The following SIM2 variants were observed in gnomAD, a reference collection of about 807,000 sequenced individuals.
SIM2 encodes the protein single-minded homolog 2.
A neutral mutation model predicts 64.8 loss-of-function variants in SIM2; 28 were observed. That is an observed-to-expected ratio of 0.43 (90% CI 0.32 to 0.59). The LOEUF (loss-of-function observed/expected upper bound fraction) is 0.59. Among genes scored for constraint, SIM2 ranks in the 20% least tolerant of loss-of-function variants. SIM2 has a pLI of 0.07. For synonymous variants in SIM2, 408 were observed against 391.1 expected, an observed-to-expected ratio of 1.04 and a Z score of -0.51; for missense variants, 847 against 871.4, an observed-to-expected ratio of 0.97 and a Z score of 0.35.
At chr21:36,738,708 G>A (rs889164532) in intron 7 of SIM2, among the ~76,000 whole-genome samples, 12 of 152,200 alleles carry the variant, frequency 7.9e-5, no homozygotes, top group Non-Finnish European at 1.8e-4. Flanking sequence ...TGTAGTGGGG[G>A]TAGAATGAGG....
chr21:36,736,787 TTCTTTC>T (rs2089058203), intron 7 of SIM2, among the ~76,000 whole-genome samples: 1 of 71,732 alleles, frequency 1.4e-5, no homozygotes, highest in South Asian at 4.8e-4. Flanking sequence ...TTTCTTTTCC[TTCTTTC>T]TTTTTCTTTC....
chr21:36,741,785 G>C lies in SIM2; in HGVS notation c.919G>C (p.Val307Leu). The C allele has an allele frequency of 6.2e-7, 1 of 1,612,950 alleles. No individual in the cohort carries two copies. The highest frequency in any genetic ancestry group is 1.1e-5 in the South Asian group (1 of 90,826). ...GTCCAAGCGGGGCGGCTGGGTGTGG[G>C]TGCAGAGCTACGCCACCGTGGTGCA... ...LLSKRGGWVW[V>L]QSYATVVHNS... is the part of the protein sequence containing the mutation. The change falls in exon 8 of 11, where the codon GTG (valine) becomes CTG (leucine). Residue 307 changes from valine (V) to leucine (L), a missense_variant. By Grantham distance (32) the Val-to-Leu change is conservative. Coordinates refer to ENST00000290399, the MANE Select transcript of SIM2 (RefSeq NM_005069.6).
At chr21:36,732,806 T>G (rs1424376596) in intron 7 of SIM2, among the ~76,000 whole-genome samples, 3 of 152,214 alleles carry the variant, frequency 2.0e-5, no homozygotes, top group Non-Finnish European at 1.5e-5. Context: ...TTGAGCAAAC[T>G]GGGTATGGTG....
intron 3 of SIM2, among the ~76,000 whole-genome samples, chr21:36,718,157 C>T (rs1037079236): frequency 6.6e-6 from 1 of 152,154 alleles, no homozygotes; most frequent in Non-Finnish European, 1.5e-5. Context: ...ACTTAGCAGG[C>T]CAGAAGTGTA....
At chr21:36,733,542 C>T (rs1330874637) in intron 7 of SIM2, among the ~76,000 whole-genome samples, 1 of 151,162 alleles carries the variant, frequency 6.6e-6, no homozygotes, top group Non-Finnish European at 1.5e-5. Context: ...CACTGCCTGG[C>T]TAACCCAGGA....
chr21:36,723,201 A>C (rs1840326283), intron 5 of SIM2, 71 bp downstream of exon 5: 1 of 1,289,674 alleles, frequency 7.8e-7, no homozygotes, highest in Admixed American at 1.7e-5. Context: ...GAGCGTCTGC[A>C]GAAAGGAAGG....
At position 36,726,666 on chromosome 21, in the gene SIM2, A is replaced by G. The variant is rs962521027; in HGVS notation, c.743+348A>G. Among the ~76,000 whole-genome samples, 1 of 152,240 alleles carries G rather than the reference A, an allele frequency of 6.6e-6. No individual in the cohort carries two copies. The highest frequency in any genetic ancestry group is 1.5e-5 in the Non-Finnish European group (1 of 68,042). On this transcript the variant is annotated intron_variant, in intron 6 of 10. Coordinates refer to ENST00000290399, the MANE Select transcript of SIM2 (RefSeq NM_005069.6). This position sits in a 1 kb window ranked among gnomAD's most constrained non-coding sequence, Gnocchi z 4.5. ...CACAGGTTGGGCTTTTTTGAAGGCCATGATGTCAGAGCTCTGCCTCCTGCG... is the reference window on the plus strand; with the variant it reads ...CACAGGTTGGGCTTTTTTGAAGGCCGTGATGTCAGAGCTCTGCCTCCTGCG...
intron 7 of SIM2, among the ~76,000 whole-genome samples, chr21:36,736,678 G>C (rs2089052917): frequency 6.6e-6 from 1 of 152,076 alleles, no homozygotes; most frequent in African/African-American, 2.4e-5. Flanking sequence ...AGTCTGTGAA[G>C]TCAGAGCTGT....
chr21:36,709,287 G>C (rs779032912), intron 2 of SIM2, 37 bp downstream of exon 2: 383 of 1,508,452 alleles, frequency 2.5e-4, no homozygotes, highest in Non-Finnish European at 3.2e-4. Context: ...CGCAGCCGCC[G>C]CAGGCTCCCT....
Position 36,745,729 on chromosome 21 carries a change from A to G in SIM2, c.1576+593A>G, listed in dbSNP as rs113892921. The G allele has an allele frequency of 1.0e-5, 13 of 1,281,690 alleles. No individual in the cohort carries two copies. In the Admixed American group the frequency reaches 2.1e-4, roughly 21 times the overall value. The allele number at this position is 1,281,690 out of a possible 1,614,324, so 79.4% of individuals were successfully genotyped here. ...TACTCCCAAGGACACGACACACAGT[A>G]GGGACCTGCCCTGTACATGCTAGTT... On this transcript the variant is annotated intron_variant, in intron 10 of 10. Coordinates refer to ENST00000290399, the MANE Select transcript of SIM2 (RefSeq NM_005069.6). This position sits in a 1 kb window ranked among gnomAD's most constrained non-coding sequence, Gnocchi z 4.8.
At chr21:36,702,606 ACTGGTCACC>A (rs144602851) in intron 1 of SIM2, among the ~76,000 whole-genome samples, 1,676 of 152,316 alleles carry the variant, frequency 0.011, 39 homozygotes, top group African/African-American at 0.038. Flanking sequence ...ATTTATGCAA[ACTGGTCACC>A]CTTCCAGTAG....
chr21:36,719,322 A>G (rs1290809958), intron 3 of SIM2, among the ~76,000 whole-genome samples: 1 of 152,262 alleles, frequency 6.6e-6, no homozygotes, highest in African/African-American at 2.4e-5. Flanking sequence ...CCTCGGGCGC[A>G]GTGGCGCCCC....
In SIM2 at chr21:36,747,499, C is replaced by A. The variant is rs1173921645; in HGVS notation, c.1577-166C>A. The stretch of plus-strand genomic sequence containing the variant: ...CTCCTGGAACATTTCAGGTCGCGTC[C>A]TGAGATTGGACAGCACGGCCTAGAC... On this transcript the variant is annotated intron_variant, in intron 10 of 10. Coordinates refer to ENST00000290399, the MANE Select transcript of SIM2 (RefSeq NM_005069.6). The surrounding 1 kb of genome is among the most constrained non-coding windows in gnomAD (Gnocchi z 4.5). 1.3e-5 allele frequency among the ~76,000 whole-genome samples: 2 copies of A among 151,924 alleles called. No individual in the cohort carries two copies. Among genetic ancestry groups the A allele is most frequent in the East Asian group, 3.9e-4 (2 of 5,162 alleles).
intron 4 of SIM2, among the ~76,000 whole-genome samples, chr21:36,722,428 T>C (rs549125198): frequency 1.3e-5 from 2 of 152,080 alleles, no homozygotes; most frequent in African/African-American, 4.8e-5. Flanking sequence ...TTATTTAGAG[T>C]GGAGTGACCT....
In SIM2 at chr21:36,730,942, C is replaced by T. The variant is rs2088958516; in HGVS notation, c.744-103C>T. 5 of 792,484 alleles carry T rather than the reference C, an allele frequency of 6.3e-6. No homozygotes were observed. The South Asian group carries it at 8.2e-5, about 13-fold the overall frequency. 49.1% of individuals were successfully genotyped at this position (792,484 alleles called of 1,614,324 possible). A position where few individuals can be genotyped will look rare whatever the true frequency, so the allele number is the denominator to read the frequency against. On this transcript the variant is annotated intron_variant, in intron 6 of 10. Coordinates refer to ENST00000290399, the MANE Select transcript of SIM2 (RefSeq NM_005069.6). The stretch of plus-strand genomic sequence containing the variant: ...CAGTTTCCAAAATCAACATTTCCCG[C>T]CTGAGCCTTTTAGCACTTGATTAGT...
Position 36,734,978 on chromosome 21 carries a change from C to T in SIM2, c.850+3827C>T, listed in dbSNP as rs538958293. ...GTTGAAGTGCAATGGTTGATTTGGA[C>T]AGTGACTAGACATGGCCAGGGGAGG... On this transcript the variant is annotated intron_variant, in intron 7 of 10. Transcript: ENST00000290399. Among the ~76,000 whole-genome samples the T allele has an allele frequency of 5.9e-5, 9 of 152,326 alleles. No individual in the cohort carries two copies. In the East Asian group the frequency reaches 1.5e-3, roughly 26 times the overall value.
In SIM2 at chr21:36,699,184, G is replaced by C. The variant is rs1004388970; in HGVS notation, c.-563G>C. 1.3e-5 allele frequency: 2 copies of C among 151,706 alleles called. No individual in the cohort carries two copies. Among genetic ancestry groups the C allele is most frequent in the Non-Finnish European group, 2.9e-5 (2 of 67,900 alleles). The allele number at this position is 151,706 out of a possible 1,614,324, so 9.4% of individuals were successfully genotyped here. On this transcript the variant is annotated 5_prime_UTR_variant, in exon 1 of 11. Transcript: ENST00000290399. The surrounding 1 kb of genome is among the most constrained non-coding windows in gnomAD (Gnocchi z 5.6). ...CGCCTAGCCACACATCGCGGGCTCC[G>C]GCGCTGCGTCTCCAGGCACAGGGAG...
rs1450865810 is a variant in SIM2, at chr21:36,744,839, A to C, written c.1279A>C (p.Ser427Arg). 6.2e-7 allele frequency: 1 copy of C among 1,614,256 alleles called. No homozygotes were observed. Among genetic ancestry groups the C allele is most frequent in the Non-Finnish European group, 8.5e-7 (1 of 1,180,046 alleles). ...TCCAGAACTGCAGCCCCACTCAGAA[A>C]GCAGTGACCTTCTGTACACGCCATC... Reference protein sequence around the residue: ...APPELQPHSESSDLLYTPSYS... With the variant: ...APPELQPHSERSDLLYTPSYS... The change falls in exon 10 of 11, where the codon AGC (serine) becomes CGC (arginine). Residue 427 changes from serine to arginine, a missense_variant. This residue lies in a region of SIM2 where 447 missense variants were observed against 414.6 expected (regional missense o/e 1.08). Transcript: ENST00000290399.
At chr21:36,737,973 A>AAAAAAAAAAAAAAAAAAAGC (rs1555877008) in intron 7 of SIM2, among the ~76,000 whole-genome samples, 6 of 120,346 alleles carry the variant, frequency 5.0e-5, no homozygotes, top group Non-Finnish European at 3.9e-5. Flanking sequence ...AAAAAAAAAA[A>AAAAAAAAAAAAAAAAAAAGC]AAAAAAAAAG....
Sources: allele counts gnomAD v4.1 joint callset (sites outside exome capture counted in the v4.1 genomes callset), GRCh38; gene constraint gnomAD v4.1.1; regional missense constraint gnomAD v4.1.1; non-coding constraint Gnocchi (gnomAD v3.1); transcripts MANE v1.5; gene names NCBI Gene and HGNC (gene_info 2026-07-23, HGNC 2026-07-21).